CDRT4: variants seen among roughly 807,000 people sequenced by gnomAD.
CDRT4 encodes the protein CMT1A duplicated region transcript 4 protein.
For missense variants in CDRT4, 167 were observed against 193.1 expected, an observed-to-expected ratio of 0.87 and a Z score of 0.80; for synonymous variants, 64 against 69.6, an observed-to-expected ratio of 0.92 and a Z score of 0.40.
chr17:15,440,409 C>T (rs959959025), intron 2 of CDRT4, 124 bp from the exon 3 acceptor site: 35 of 1,094,018 alleles, frequency 3.2e-5, no homozygotes, highest in Non-Finnish European at 4.3e-5. Flanking sequence ...GACTCCACCC[C>T]CTGAGAAGAG....
chr17:15,459,356 C>T (rs1396472659), intron 1 of CDRT4, among the ~76,000 whole-genome samples: 1 of 152,078 alleles, frequency 6.6e-6, no homozygotes, highest in African/African-American at 2.4e-5. Flanking sequence ...TCAGGCCCCT[C>T]CCCACACTGT....
intron 1 of CDRT4, among the ~76,000 whole-genome samples, chr17:15,462,055 G>A (rs76264285): frequency 0.013 from 1,911 of 152,246 alleles, 39 homozygotes; most frequent in African/African-American, 0.044. Flanking sequence ...ATAAAAGCCA[G>A]GTGAGCACAG....
chr17:15,459,921 C>A (rs1166277112), intron 1 of CDRT4, among the ~76,000 whole-genome samples: 1 of 152,104 alleles, frequency 6.6e-6, no homozygotes, highest in African/African-American at 2.4e-5. Flanking sequence ...AGTCCCAGCA[C>A]CTCATAGGCC....
chr17:15,438,278 T>C (rs1178436392), intron 3 of CDRT4, 78 bp from the exon 4 acceptor site: 5 of 1,446,476 alleles, frequency 3.5e-6, no homozygotes, highest in African/African-American at 1.4e-5. Flanking sequence ...TGGGAAGGCA[T>C]TGGAACCAGA....
intron 2 of CDRT4, chr17:15,444,283 G>A (rs1978915375): frequency 4.1e-6 from 2 of 493,734 alleles, no homozygotes; most frequent in East Asian, 3.4e-5. Context: ...AAGACCTATT[G>A]ATTTGGAAAA....
At chr17:15,443,204 C>T (rs757726266) in intron 2 of CDRT4, among the ~76,000 whole-genome samples, 19 of 152,076 alleles carry the variant, frequency 1.2e-4, no homozygotes, top group Non-Finnish European at 2.4e-4. Flanking sequence ...CTTAGGACCT[C>T]AGTTGTCACT....
At chr17:15,463,039 G>A (rs1979828247) in intron 1 of CDRT4, among the ~76,000 whole-genome samples, 1 of 152,078 alleles carries the variant, frequency 6.6e-6, no homozygotes, top group African/African-American at 2.4e-5. Context: ...GGACAGGAAT[G>A]GAACAAAAAC....
At chr17:15,459,511 C>T (rs191420649) in intron 1 of CDRT4, among the ~76,000 whole-genome samples, 1 of 139,288 alleles carries the variant, frequency 7.2e-6, no homozygotes, top group East Asian at 2.1e-4. Flanking sequence ...GTGGCGCGAT[C>T]GCAGCTTCCT....
chr17:15,448,225 T>C (rs573707872), intron 2 of CDRT4, among the ~76,000 whole-genome samples: 9 of 152,258 alleles, frequency 5.9e-5, no homozygotes, highest in African/African-American at 2.2e-4. Flanking sequence ...GTGACTTGCA[T>C]TTGAGATTTT....
intron 1 of CDRT4, among the ~76,000 whole-genome samples, chr17:15,462,186 T>C (rs1979781914): frequency 6.6e-6 from 1 of 151,994 alleles, no homozygotes; most frequent in Admixed American, 6.5e-5. Flanking sequence ...CCCAGCACTT[T>C]GGGAGGCCGA....
intron 1 of CDRT4, among the ~76,000 whole-genome samples, chr17:15,461,359 G>A (rs1404396934): frequency 6.6e-6 from 1 of 152,214 alleles, no homozygotes; most frequent in Non-Finnish European, 1.5e-5. Flanking sequence ...ACAGCATGCG[G>A]GCTGCCACAA....
intron 1 of CDRT4, among the ~76,000 whole-genome samples, chr17:15,466,163 GAC>G (rs563288314): frequency 7.2e-4 from 110 of 152,304 alleles, no homozygotes; most frequent in African/African-American, 2.3e-3. Flanking sequence ...ACTGACAAGT[GAC>G]AGAGTCTGGA....
intron 2 of CDRT4, chr17:15,444,285 T>C (rs995466252): frequency 4.0e-6 from 2 of 496,304 alleles, no homozygotes; most frequent in Non-Finnish European, 7.2e-6. Context: ...GACCTATTGA[T>C]TTGGAAAAAA....
chr17:15,449,932 A>T (rs1979190637), intron 2 of CDRT4, among the ~76,000 whole-genome samples: 1 of 152,178 alleles, frequency 6.6e-6, no homozygotes, highest in Non-Finnish European at 1.5e-5. Context: ...TGGCATATAT[A>T]TGCCACATTT....
chr17:15,439,090 A>C (rs973009656), intron 3 of CDRT4: 2 of 455,714 alleles, frequency 4.4e-6, no homozygotes, highest in African/African-American at 4.0e-5. Context: ...CCCATCTTTC[A>C]TTAGCAACGT....
intron 3 of CDRT4, among the ~76,000 whole-genome samples, chr17:15,439,693 T>A (rs1978666058): frequency 6.6e-6 from 1 of 152,120 alleles, no homozygotes; most frequent in South Asian, 2.1e-4. Context: ...CCAACCCAAA[T>A]GTCCAACAAT....
At chr17:15,465,851 T>C (rs561864593) in intron 1 of CDRT4, among the ~76,000 whole-genome samples, 1 of 150,998 alleles carries the variant, frequency 6.6e-6, no homozygotes, top group Non-Finnish European at 1.5e-5. Context: ...GCAGCGCGCA[T>C]CGTGAGGACT....
At chr17:15,442,667 C>T (rs1297925234) in intron 2 of CDRT4, among the ~76,000 whole-genome samples, 1 of 152,152 alleles carries the variant, frequency 6.6e-6, no homozygotes, top group Non-Finnish European at 1.5e-5. Context: ...CAGGACTCAC[C>T]TGACCCCTAC....
intron 1 of CDRT4, among the ~76,000 whole-genome samples, chr17:15,453,454 T>C (rs8082526): frequency 0.011 from 1,607 of 152,304 alleles, 35 homozygotes; most frequent in African/African-American, 0.037. Context: ...AGGGTTTTAA[T>C]GTGTCTTCTT....
Sources: allele counts gnomAD v4.1 joint callset (sites outside exome capture counted in the v4.1 genomes callset), GRCh38; gene constraint gnomAD v4.1.1; transcripts MANE v1.5; gene names NCBI Gene and HGNC (gene_info 2026-07-23, HGNC 2026-07-21).